The following MPP7 variants were observed in gnomAD, a reference collection of about 807,000 sequenced individuals.
MPP7 encodes the protein MAGUK p55 subfamily member 7.
Under a neutral mutation model 76.5 loss-of-function variants are expected in MPP7, and 60 were observed. The observed-to-expected ratio is 0.78, with a 90% CI of 0.64 to 0.97. The LOEUF (loss-of-function observed/expected upper bound fraction) is 0.97. Among genes scored for constraint, MPP7 ranks in the 50% least tolerant of loss-of-function variants. The probability of loss-of-function intolerance (pLI) is 0.00; values close to 1 mark genes in which losing one functional copy is unlikely to be tolerated. For missense variants in MPP7, 641 were observed against 694.0 expected, an observed-to-expected ratio of 0.92 and a Z score of 0.86; for synonymous variants, 237 against 244.5, an observed-to-expected ratio of 0.97 and a Z score of 0.29.
chr10:28,089,082 T>C (rs773181846), intron 12 of MPP7, among the ~76,000 whole-genome samples: 7 of 152,032 alleles, frequency 4.6e-5, no homozygotes, highest in Non-Finnish European at 1.0e-4. Context: ...AATGTAGAGA[T>C]GGGGCTTCAC....
intron 1 of MPP7, among the ~76,000 whole-genome samples, chr10:28,293,853 T>G (rs1343636415): frequency 6.6e-6 from 1 of 152,066 alleles, no homozygotes; most frequent in Non-Finnish European, 1.5e-5. Context: ...AAGATAATGA[T>G]AAGAGAGTGT....
At chr10:28,266,695 CTCTT>C (rs1332980662) in intron 1 of MPP7, among the ~76,000 whole-genome samples, 1 of 152,212 alleles carries the variant, frequency 6.6e-6, no homozygotes, top group Non-Finnish European at 1.5e-5. Flanking sequence ...TAAAACCTTG[CTCTT>C]TCTAAGCTAT....
chr10:28,054,393 C>T, intron 16 of MPP7, 149 bp from the exon 17 acceptor site: 2 of 564,604 alleles, frequency 3.5e-6, no homozygotes, highest in South Asian at 5.4e-5. Context: ...CCTCTTTAAC[C>T]ACAAGTGCTT....
At chr10:28,284,157 G>C (rs534296322) in intron 1 of MPP7, among the ~76,000 whole-genome samples, 29 of 152,248 alleles carry the variant, frequency 1.9e-4, no homozygotes, top group African/African-American at 5.8e-4. Flanking sequence ...CAATGATTAA[G>C]TAAAGTACTT....
At chr10:28,230,899 C>A (rs1296563885) in intron 2 of MPP7, among the ~76,000 whole-genome samples, 14 of 152,056 alleles carry the variant, frequency 9.2e-5, no homozygotes, top group Non-Finnish European at 2.1e-4. Context: ...TTTAAAAATA[C>A]TTCTCTTGGT....
At chr10:28,109,864 A>AAAC (rs1834445875) in intron 11 of MPP7, among the ~76,000 whole-genome samples, 1 of 149,590 alleles carries the variant, frequency 6.7e-6, no homozygotes, top group Non-Finnish European at 1.5e-5. Flanking sequence ...AAAAAAAAAA[A>AAAC]AAAAAAAAAC....
intron 1 of MPP7, among the ~76,000 whole-genome samples, chr10:28,275,677 G>A (rs1840471767): frequency 1.3e-5 from 2 of 152,036 alleles, no homozygotes; most frequent in Admixed American, 1.3e-4. Context: ...AAAATGCTGG[G>A]AGTACAGGCT....
At chr10:28,109,527 C>T (rs573120776) in intron 11 of MPP7, among the ~76,000 whole-genome samples, 15 of 151,954 alleles carry the variant, frequency 9.9e-5, no homozygotes, top group African/African-American at 2.9e-4. Flanking sequence ...CATCTGGCAA[C>T]GTTTCCGGAA....
At position 28,175,671 on chromosome 10, in the gene MPP7, G is replaced by T. The variant is rs577405454; in HGVS notation, c.157-25612C>A. Among the ~76,000 whole-genome samples, 11 of 152,262 alleles carry T rather than the reference G, an allele frequency of 7.2e-5. No individual in the cohort carries two copies. The East Asian group carries it at 2.1e-3, about 29-fold the overall frequency. On this transcript the variant is annotated intron_variant, in intron 3 of 16. Transcript: ENST00000683449. ...TTTATACCAGAAGCTGAAGAAGTAT[G>T]ATACTTAAGATATTCAAAACAAGAA...
chr10:28,157,039 G>A (rs1157740638), intron 3 of MPP7, among the ~76,000 whole-genome samples: 2 of 151,854 alleles, frequency 1.3e-5, no homozygotes, highest in South Asian at 2.1e-4. Flanking sequence ...GTGAAACCCT[G>A]TCTCTACCAA....
intron 5 of MPP7, among the ~76,000 whole-genome samples, chr10:28,133,723 T>A (rs1221535114): frequency 6.6e-6 from 1 of 152,112 alleles, no homozygotes; most frequent in African/African-American, 2.4e-5. Flanking sequence ...CAAACTCCAG[T>A]GGCCCCCACT....
At chr10:28,159,220 CTGTT>C (rs1048519676) in intron 3 of MPP7, among the ~76,000 whole-genome samples, 39 of 152,196 alleles carry the variant, frequency 2.6e-4, no homozygotes, top group African/African-American at 8.9e-4. Flanking sequence ...TCTTTGAGCA[CTGTT>C]TGATTTGTTG....
intron 1 of MPP7, among the ~76,000 whole-genome samples, chr10:28,286,638 A>G (rs992773583): frequency 3.3e-5 from 5 of 152,168 alleles, no homozygotes; most frequent in Non-Finnish European, 7.3e-5. Context: ...CGTCCATGAC[A>G]TCAAAATTAT....
At chr10:28,294,164 C>T (rs1404861443) in intron 1 of MPP7, among the ~76,000 whole-genome samples, 5 of 152,092 alleles carry the variant, frequency 3.3e-5, no homozygotes, top group African/African-American at 9.7e-5. Flanking sequence ...AAAAATTAGC[C>T]GGGTGCCTGT....
intron 2 of MPP7, among the ~76,000 whole-genome samples, chr10:28,320,981 C>G (rs1279606127): frequency 6.6e-6 from 1 of 152,106 alleles, no homozygotes; most frequent in African/African-American, 2.4e-5. Flanking sequence ...AGGACATGCT[C>G]AGGCCCCATG....
intron 11 of MPP7, among the ~76,000 whole-genome samples, chr10:28,102,208 T>C (rs979261614): frequency 6.6e-6 from 1 of 152,134 alleles, no homozygotes; most frequent in Non-Finnish European, 1.5e-5. Flanking sequence ...AGTGGCATCA[T>C]TGTAGATCAC....
intron 1 of MPP7, among the ~76,000 whole-genome samples, chr10:28,242,363 AATCT>A (rs1839299257): frequency 6.6e-6 from 1 of 152,226 alleles, no homozygotes; most frequent in Non-Finnish European, 1.5e-5. Context: ...TTTAAAAAAA[AATCT>A]ATCACAGATT....
At chr10:28,073,970 C>T (rs547948306) in intron 12 of MPP7, among the ~76,000 whole-genome samples, 2 of 152,080 alleles carry the variant, frequency 1.3e-5, no homozygotes, top group East Asian at 3.9e-4. Flanking sequence ...TCATGTTCCA[C>T]AGCATCCTGT....
chr10:28,324,254 G>T (rs577980975), intron 2 of MPP7, among the ~76,000 whole-genome samples: 2 of 152,288 alleles, frequency 1.3e-5, no homozygotes, highest in Non-Finnish European at 2.9e-5. Flanking sequence ...AGAAGACGTT[G>T]TCTATGAACC....
Sources: allele counts gnomAD v4.1 joint callset (sites outside exome capture counted in the v4.1 genomes callset), GRCh38; gene constraint gnomAD v4.1.1; transcripts MANE v1.5; gene names NCBI Gene and HGNC (gene_info 2026-07-23, HGNC 2026-07-21).